Variants in ARHGAP26 observed in about 807,000 individuals in gnomAD.
ARHGAP26 encodes Rho GTPase activating protein 26, also known as rho GTPase-activating protein 26.
In ARHGAP26, 38 loss-of-function variants were observed where a neutral mutation model predicts 104.8. The observed-to-expected ratio is 0.36, with a 90% confidence interval of 0.28 to 0.48. The LOEUF (loss-of-function observed/expected upper bound fraction) is 0.48. Among genes scored for constraint, ARHGAP26 ranks in the 20% least tolerant of loss-of-function variants. ARHGAP26 has a pLI of 0.99. For missense variants in ARHGAP26, 704 were observed against 947.9 expected (o/e 0.74, Z 3.38); for synonymous variants, 341 against 340.0 (o/e 1.00, Z -0.03).
intron 11 of ARHGAP26, among the ~76,000 whole-genome samples, chr5:142,998,552 A>G (rs557835348): frequency 7.9e-5 from 12 of 152,216 alleles, no homozygotes; most frequent in African/African-American, 2.6e-4. Flanking sequence ...TGTTCTCTCT[A>G]AAGAAGAAGC....
At chr5:142,777,089 T>C (rs902311436) in intron 1 of ARHGAP26, among the ~76,000 whole-genome samples, 2 of 152,170 alleles carry the variant, frequency 1.3e-5, no homozygotes, top group Non-Finnish European at 2.9e-5. Flanking sequence ...TATTCAGATC[T>C]TTTTTTTCCT....
Position 143,225,193 on chromosome 5 carries a change from T to C in ARHGAP26, c.*2747T>C, listed in dbSNP as rs113198198. 4,971 of 198,086 alleles carry C rather than the reference T, an allele frequency of 0.025. 257 individuals are homozygous for C. The highest frequency in any genetic ancestry group is 0.11 in the African/African-American group (4,691 of 43,380). 12.3% of individuals were successfully genotyped at this position (198,086 alleles called of 1,614,324 possible). On this transcript the variant is annotated 3_prime_UTR_variant, in exon 23 of 23. Coordinates refer to ENST00000645722, the MANE Select transcript of ARHGAP26 (RefSeq NM_001135608.3). ...TTGATGAGGTTTTTTATTTGTGTTT[T>C]TGTTTGTTTTTTGAGATGGAGTCTC...
chr5:142,977,801 G>C (rs1202083047), intron 11 of ARHGAP26, among the ~76,000 whole-genome samples: 1 of 152,238 alleles, frequency 6.6e-6, no homozygotes, highest in South Asian at 2.1e-4. Flanking sequence ...AAGTCAGTGA[G>C]TCAGAGATGC....
chr5:143,115,856 G>C (rs1202169031), intron 17 of ARHGAP26, among the ~76,000 whole-genome samples: 3 of 152,170 alleles, frequency 2.0e-5, no homozygotes, highest in Non-Finnish European at 4.4e-5. Context: ...CAACTACTGT[G>C]CTATGATCTC....
intron 8 of ARHGAP26, among the ~76,000 whole-genome samples, chr5:142,907,066 T>G (rs1279524266): frequency 6.6e-6 from 1 of 152,170 alleles, no homozygotes; most frequent in African/African-American, 2.4e-5. Context: ...CCTCTTGAGG[T>G]GACATACTAA....
chr5:143,030,936 C>T (rs1781749231), intron 12 of ARHGAP26, among the ~76,000 whole-genome samples: 1 of 152,250 alleles, frequency 6.6e-6, no homozygotes, highest in South Asian at 2.1e-4. Context: ...TGTAAACTTG[C>T]AGTGGTGCAT....
chr5:143,158,815 C>G (rs1800827640), intron 20 of ARHGAP26, among the ~76,000 whole-genome samples: 1 of 152,190 alleles, frequency 6.6e-6, no homozygotes, highest in Non-Finnish European at 1.5e-5. Flanking sequence ...ACCCTATTAC[C>G]TCTTGTTGCC....
chr5:143,003,891 T>A (rs1030371759), intron 11 of ARHGAP26, among the ~76,000 whole-genome samples: 1 of 152,090 alleles, frequency 6.6e-6, no homozygotes, highest in Non-Finnish European at 1.5e-5. Context: ...AATAAAAACT[T>A]CATCCAGATT....
Position 142,868,465 on chromosome 5 carries a change from G to A in ARHGAP26, c.155-4935G>A, listed in dbSNP as rs535464333. ...ATTTGACGGACAAAAGTGGATGTGG[G>A]GAGGCCAGAGAGGAGCAGTTGCAGT... is the stretch of plus-strand genomic sequence containing the variant. On this transcript the variant is annotated intron_variant, in intron 1 of 22. Transcript: ENST00000645722. Among the ~76,000 whole-genome samples, 240 of 152,356 alleles carry A rather than the reference G, an allele frequency of 1.6e-3. 3 individuals are homozygous for A. Among genetic ancestry groups the A allele is most frequent in the African/African-American group, 5.4e-3 (224 of 41,588 alleles).
Position 143,222,246 on chromosome 5 carries a change from T to TAC in ARHGAP26, c.2192-75_2192-74dup, listed in dbSNP as rs66463225. On this transcript the variant is annotated intron_variant, in intron 22 of 22. Transcript: ENST00000645722. ...GTACTCATTGTCCAAGCTTCCTTCATACACACACACACACACACACACACA... is the reference window on the plus strand; with the variant it reads ...GTACTCATTGTCCAAGCTTCCTTCATACACACACACACACACACACACACACA... The TAC allele has an allele frequency of 4.9e-3, 2,356 of 478,884 alleles. 1 individual carries two copies. Among genetic ancestry groups the TAC allele is most frequent in the South Asian group, 0.015 (225 of 15,200 alleles). The allele number at this position is 478,884 out of a possible 1,614,324, so 29.7% of individuals were successfully genotyped here.
intron 11 of ARHGAP26, among the ~76,000 whole-genome samples, chr5:142,987,721 G>T (rs1477894363): frequency 6.6e-6 from 1 of 152,130 alleles, no homozygotes; most frequent in Non-Finnish European, 1.5e-5. Flanking sequence ...GTTGAATTTT[G>T]TCAAAGGCCT....
intron 11 of ARHGAP26, among the ~76,000 whole-genome samples, chr5:142,980,378 T>TTTATA (rs1270246881): frequency 6.7e-6 from 1 of 150,042 alleles, no homozygotes; most frequent in African/African-American, 2.5e-5. Context: ...TTTATTTTAT[T>TTTATA]TTATTTTATT....
At chr5:142,928,261 CT>C (rs35292825) in intron 10 of ARHGAP26, among the ~76,000 whole-genome samples, 71,986 of 146,524 alleles carry the variant, frequency 0.49, 21,771 homozygotes, top group East Asian at 0.91. Context: ...AACTCATTGC[CT>C]TTTCCATCTC....
chr5:143,207,119 C>T, intron 20 of ARHGAP26, 79 bp from the exon 21 acceptor site: 3 of 1,539,404 alleles, frequency 1.9e-6, no homozygotes, highest in Non-Finnish European at 2.6e-6. Context: ...TTTCCGTCAT[C>T]TGGCCTCCCA....
intron 1 of ARHGAP26, among the ~76,000 whole-genome samples, chr5:142,826,103 CCAGT>C (rs1597796498): frequency 6.6e-6 from 1 of 152,310 alleles, no homozygotes; most frequent in East Asian, 1.9e-4. Flanking sequence ...GTGTTAATGA[CCAGT>C]CAGACAGTGT....
intron 11 of ARHGAP26, among the ~76,000 whole-genome samples, chr5:142,945,637 T>G (rs1433468458): frequency 2.6e-5 from 4 of 152,350 alleles, no homozygotes; most frequent in Admixed American, 2.6e-4. Context: ...TGTGTGTGTT[T>G]GCATTAGCTC....
At chr5:143,212,874 G>A (rs1347269882) in intron 21 of ARHGAP26, among the ~76,000 whole-genome samples, 2 of 152,138 alleles carry the variant, frequency 1.3e-5, no homozygotes, top group African/African-American at 4.8e-5. Flanking sequence ...GGCCGGGCGC[G>A]GTGGCTCACG....
At chr5:143,054,939 G>A (rs1785581477) in intron 15 of ARHGAP26, among the ~76,000 whole-genome samples, 1 of 152,168 alleles carries the variant, frequency 6.6e-6, no homozygotes, top group Non-Finnish European at 1.5e-5. Flanking sequence ...TGCTGACAAT[G>A]GTTCTTAAAA....
rs181315237 is a variant in ARHGAP26 at position 143,057,496 on chromosome 5, C to T, written c.1433-146C>T. ...CTTCCAGATCTAGTCATGCTGGCCA[C>T]GCAGTATGCACACAAGACAGGATTG... On this transcript the variant is annotated intron_variant, in intron 16 of 22. Coordinates refer to ENST00000645722, the MANE Select transcript of ARHGAP26 (RefSeq NM_001135608.3). 1.0e-3 allele frequency: 681 copies of T among 655,318 alleles called. 2 individuals carry two copies. The highest frequency in any genetic ancestry group is 8.5e-4 in the Non-Finnish European group (318 of 375,938). The allele number at this position is 655,318 out of a possible 1,614,324, so 40.6% of individuals were successfully genotyped here.
Sources: gnomAD v4.1 joint callset for allele counts (sites outside exome capture counted in the v4.1 genomes callset) on GRCh38, gnomAD v4.1.1 for gene constraint, MANE v1.5 for transcripts, NCBI Gene and HGNC (gene_info 2026-07-23, HGNC 2026-07-21) for gene names.